Variants in CYSLTR2 observed in about 807,000 individuals in gnomAD.
The protein encoded by CYSLTR2 is G-protein coupled receptor GPCR21.
For missense variants in CYSLTR2, 398 were observed against 411.9 expected (o/e 0.97, Z 0.29); for synonymous variants, 179 against 160.8 (o/e 1.11, Z -0.86).
chr13:48,687,266 C>G (rs780994846), intron 1 of CYSLTR2, among the ~76,000 whole-genome samples: 18 of 152,076 alleles, frequency 1.2e-4, no homozygotes, highest in Non-Finnish European at 2.1e-4. Context: ...ATCTTGCCGA[C>G]GGCCTGTTGT....
intron 1 of CYSLTR2, among the ~76,000 whole-genome samples, chr13:48,684,815 T>C (rs1953855980): frequency 6.6e-6 from 1 of 152,134 alleles, no homozygotes; most frequent in Non-Finnish European, 1.5e-5. Context: ...CCAATATGAC[T>C]AGTGTCCTTA....
At chr13:48,689,754 A>T (rs1171923827) in intron 1 of CYSLTR2, among the ~76,000 whole-genome samples, 3 of 152,150 alleles carry the variant, frequency 2.0e-5, no homozygotes, top group African/African-American at 7.2e-5. Context: ...TTGGTTCCAT[A>T]TGAAATTTAA....
intron 1 of CYSLTR2, among the ~76,000 whole-genome samples, chr13:48,677,316 G>A (rs1319833458): frequency 6.6e-6 from 1 of 151,928 alleles, no homozygotes; most frequent in Non-Finnish European, 1.5e-5. Context: ...GCATATTGCT[G>A]TAGATTAGGA....
intron 1 of CYSLTR2, among the ~76,000 whole-genome samples, chr13:48,665,499 T>C (rs928335330): frequency 2.0e-5 from 3 of 152,114 alleles, no homozygotes. Context: ...GGTCTAGTGT[T>C]GGGTGCATAT....
intron 1 of CYSLTR2, among the ~76,000 whole-genome samples, chr13:48,671,821 T>C (rs892972281): frequency 1.3e-5 from 2 of 152,202 alleles, no homozygotes; most frequent in African/African-American, 2.4e-5. Context: ...TCCTTCTTTT[T>C]CTATTTTTTG....
chr13:48,688,393 G>T (rs1015504181), intron 1 of CYSLTR2, among the ~76,000 whole-genome samples: 1 of 152,120 alleles, frequency 6.6e-6, no homozygotes, highest in Admixed American at 6.5e-5. Context: ...TTCTCCTAAG[G>T]CTATCCGTCC....
chr13:48,674,054 A>AT (rs1227906886), intron 1 of CYSLTR2, among the ~76,000 whole-genome samples: 4 of 151,716 alleles, frequency 2.6e-5, no homozygotes, highest in Non-Finnish European at 2.9e-5. Flanking sequence ...TGTCCTTAAC[A>AT]TTTTTTCCTT....
chr13:48,690,290 T>G, intron 1 of CYSLTR2, among the ~76,000 whole-genome samples: 1 of 152,190 alleles, frequency 6.6e-6, no homozygotes, highest in East Asian at 1.9e-4. Context: ...CAATACTATG[T>G]TGAATAGGAG....
At chr13:48,656,113 G>C (rs1336195398) in intron 1 of CYSLTR2, among the ~76,000 whole-genome samples, 1 of 152,112 alleles carries the variant, frequency 6.6e-6, no homozygotes, top group African/African-American at 2.4e-5. Flanking sequence ...GCTATGTCTG[G>C]TTGGTGGTAA....
At chr13:48,673,076 A>G (rs531175708) in intron 1 of CYSLTR2, among the ~76,000 whole-genome samples, 24 of 152,320 alleles carry the variant, frequency 1.6e-4, no homozygotes, top group Admixed American at 1.1e-3. Flanking sequence ...AAGAATGTCT[A>G]TTCTGTTGAT....
At chr13:48,660,249 G>A (rs890417173) in intron 1 of CYSLTR2, among the ~76,000 whole-genome samples, 1 of 152,144 alleles carries the variant, frequency 6.6e-6, no homozygotes, top group Non-Finnish European at 1.5e-5. Flanking sequence ...ATGTTTGGAT[G>A]CCAAACTTCT....
At chr13:48,682,452 A>C (rs1031284471) in intron 1 of CYSLTR2, among the ~76,000 whole-genome samples, 2 of 152,062 alleles carry the variant, frequency 1.3e-5, no homozygotes, top group African/African-American at 4.8e-5. Context: ...CTGTCTCCTT[A>C]GTTCTAAAGT....
intron 1 of CYSLTR2, among the ~76,000 whole-genome samples, chr13:48,690,342 GGAGT>G (rs1409495559): frequency 6.6e-6 from 1 of 152,136 alleles, no homozygotes; most frequent in African/African-American, 2.4e-5. Context: ...ATTTTCAAAG[GGAGT>G]GCTCCCAGCT....
intron 4 of CYSLTR2, among the ~76,000 whole-genome samples, chr13:48,704,812 T>C (rs535796168): frequency 4.6e-5 from 7 of 152,364 alleles, no homozygotes; most frequent in Middle Eastern, 3.4e-3. Flanking sequence ...GAACACATTC[T>C]ATATTATTTC....
At chr13:48,654,553 AT>A (rs1202870585) in intron 1 of CYSLTR2, among the ~76,000 whole-genome samples, 2 of 152,014 alleles carry the variant, frequency 1.3e-5, no homozygotes, top group African/African-American at 4.8e-5. Context: ...TATAAGATAT[AT>A]TTTTTCCATT....
At chr13:48,656,510 T>C (rs963925951) in intron 1 of CYSLTR2, among the ~76,000 whole-genome samples, 1 of 152,196 alleles carries the variant, frequency 6.6e-6, no homozygotes, top group African/African-American at 2.4e-5. Context: ...GAGTTGAAAC[T>C]TAAACCCAGG....
At chr13:48,706,138 A>G (rs1954480521) in intron 4 of CYSLTR2, among the ~76,000 whole-genome samples, 1 of 151,848 alleles carries the variant, frequency 6.6e-6, no homozygotes, top group Admixed American at 6.6e-5. Flanking sequence ...CAGAGGTGAC[A>G]GGTGCCTGCC....
At chr13:48,664,336 G>C (rs907774140) in intron 1 of CYSLTR2, among the ~76,000 whole-genome samples, 5 of 152,030 alleles carry the variant, frequency 3.3e-5, no homozygotes, top group African/African-American at 1.2e-4. Context: ...GGTTATGCTG[G>C]CTTCATAGAA....
At chr13:48,663,099 T>A (rs138493686) in intron 1 of CYSLTR2, among the ~76,000 whole-genome samples, 34 of 152,240 alleles carry the variant, frequency 2.2e-4, no homozygotes, top group African/African-American at 7.9e-4. Context: ...TTCAGGAGAC[T>A]GTCTTTTCCC....
Sources: allele counts gnomAD v4.1 joint callset (sites outside exome capture counted in the v4.1 genomes callset), GRCh38; gene constraint gnomAD v4.1.1; transcripts MANE v1.5; gene names NCBI Gene and HGNC (gene_info 2026-07-23, HGNC 2026-07-21).